Variants in KCNH7 observed in about 807,000 individuals in gnomAD.
KCNH7 encodes the protein potassium voltage-gated channel subfamily H member 7, also known as voltage-gated inwardly rectifying potassium channel KCNH7.
Under a neutral mutation model 120.8 loss-of-function variants are expected in KCNH7, and 49 were observed. The ratio of observed to expected loss-of-function variants is 0.41; its 90% CI spans 0.32 to 0.51. The LOEUF (loss-of-function observed/expected upper bound fraction) is 0.51. Among genes scored for constraint, KCNH7 ranks in the 20% least tolerant of loss-of-function variants. KCNH7 has a pLI of 0.38. For synonymous variants in KCNH7, 547 were observed against 516.1 expected, an observed-to-expected ratio of 1.06 and a Z score of -0.81; for missense variants, 1,097 against 1,446.6, an observed-to-expected ratio of 0.76 and a Z score of 3.92.
chr2:162,735,337 G>A (rs953740347), intron 2 of KCNH7, among the ~76,000 whole-genome samples: 4 of 152,088 alleles, frequency 2.6e-5, no homozygotes, highest in African/African-American at 9.7e-5. Context: ...CACATGACAA[G>A]GTTAAAATTA....
chr2:162,373,422 G>T, intron 15 of KCNH7, 48 bp downstream of exon 15: 1 of 1,324,564 alleles, frequency 7.5e-7, no homozygotes. Context: ...GTGACCCCTG[G>T]AAACACACTG....
chr2:162,640,214 T>C (rs751902503), intron 2 of KCNH7, among the ~76,000 whole-genome samples: 1 of 152,098 alleles, frequency 6.6e-6, no homozygotes, highest in African/African-American at 2.4e-5. Flanking sequence ...AATTTTTATA[T>C]TGAAAAGCAA....
At chr2:162,491,655 T>A (rs921416746) in intron 6 of KCNH7, among the ~76,000 whole-genome samples, 1 of 152,176 alleles carries the variant, frequency 6.6e-6, no homozygotes, top group Non-Finnish European at 1.5e-5. Flanking sequence ...AAAAGTTGCA[T>A]TGGCATTCAT....
chr2:162,525,114 C>T (rs926964833), intron 3 of KCNH7, among the ~76,000 whole-genome samples: 6 of 151,934 alleles, frequency 3.9e-5, no homozygotes, highest in South Asian at 2.1e-4. Flanking sequence ...GGAGCAGATC[C>T]GATCGGTAAT....
chr2:162,830,468 A>G (rs1685439827), intron 2 of KCNH7, among the ~76,000 whole-genome samples: 1 of 152,146 alleles, frequency 6.6e-6, no homozygotes, highest in African/African-American at 2.4e-5. Flanking sequence ...AAGCCTAACA[A>G]CATAGATTAT....
At chr2:162,508,018 C>A (rs1357757247) in intron 5 of KCNH7, among the ~76,000 whole-genome samples, 1 of 151,578 alleles carries the variant, frequency 6.6e-6, no homozygotes, top group African/African-American at 2.4e-5. Context: ...TATTTGAACA[C>A]TAACATATTG....
At chr2:162,614,187 C>G (rs971778060) in intron 2 of KCNH7, among the ~76,000 whole-genome samples, 8 of 151,844 alleles carry the variant, frequency 5.3e-5, no homozygotes, top group African/African-American at 1.9e-4. Context: ...TTTTAAAGTG[C>G]CTAATCTACT....
Position 162,557,011 on chromosome 2 carries a change from CA to C in KCNH7, c.308-19932del, listed in dbSNP as rs138590787. ...GGTTGTCTGTTGCTGTGTAACAAAC[CA>C]CCTCAACACTTAGTGGCTCAAAGCA... On this transcript the variant is annotated intron_variant, in intron 2 of 15. Transcript: ENST00000332142. 8.7e-3 allele frequency among the ~76,000 whole-genome samples: 1,332 copies of C among 152,256 alleles called. 30 individuals are homozygous for C. Among genetic ancestry groups the C allele is most frequent in the African/African-American group, 0.03 (1,228 of 41,556 alleles).
intron 2 of KCNH7, among the ~76,000 whole-genome samples, chr2:162,605,611 T>G (rs2105961015): frequency 6.6e-6 from 1 of 152,262 alleles, no homozygotes; most frequent in South Asian, 2.1e-4. Flanking sequence ...CCTCCATTCT[T>G]TTGAAAGACT....
chr2:162,759,505 T>C (rs923320236), intron 2 of KCNH7, among the ~76,000 whole-genome samples: 1 of 152,078 alleles, frequency 6.6e-6, no homozygotes, highest in Non-Finnish European at 1.5e-5. Context: ...GCCCAATTTC[T>C]TGAACAATGT....
intron 2 of KCNH7, among the ~76,000 whole-genome samples, chr2:162,543,926 G>C (rs1399699483): frequency 6.6e-6 from 1 of 152,142 alleles, no homozygotes; most frequent in Admixed American, 6.5e-5. Flanking sequence ...TTAAAAAAGT[G>C]AGTAAACTTT....
chr2:162,623,835 G>A (rs536786702), intron 2 of KCNH7, among the ~76,000 whole-genome samples: 2 of 152,300 alleles, frequency 1.3e-5, no homozygotes, highest in African/African-American at 4.8e-5. Flanking sequence ...ATAATTTGAG[G>A]AGTGTTTGAG....
intron 2 of KCNH7, among the ~76,000 whole-genome samples, chr2:162,831,545 A>G (rs986894166): frequency 1.3e-5 from 2 of 152,178 alleles, no homozygotes; most frequent in African/African-American, 4.8e-5. Flanking sequence ...GAATGGTGAC[A>G]CCTCAAAACT....
intron 6 of KCNH7, among the ~76,000 whole-genome samples, chr2:162,452,265 A>G (rs895944280): frequency 5.9e-5 from 9 of 152,178 alleles, no homozygotes; most frequent in African/African-American, 1.2e-4. Context: ...AAATTTTTCA[A>G]AATAAACAGG....
intron 14 of KCNH7, among the ~76,000 whole-genome samples, chr2:162,376,045 A>G (rs1252994995): frequency 6.6e-6 from 1 of 152,176 alleles, no homozygotes; most frequent in African/African-American, 2.4e-5. Context: ...TTCTTCTGTC[A>G]GCATAATTAT....
intron 6 of KCNH7, among the ~76,000 whole-genome samples, chr2:162,486,202 G>A (rs1016096517): frequency 1.3e-5 from 2 of 152,100 alleles, no homozygotes; most frequent in Non-Finnish European, 2.9e-5. Context: ...ACCTCTACCT[G>A]GGCCATTAAA....
chr2:162,501,787 C>T (rs1690695371), intron 6 of KCNH7, among the ~76,000 whole-genome samples: 1 of 152,058 alleles, frequency 6.6e-6, no homozygotes, highest in African/African-American at 2.4e-5. Context: ...TCTGAAAGGT[C>T]CCACCTCCAA....
intron 2 of KCNH7, among the ~76,000 whole-genome samples, chr2:162,670,350 T>G (rs1685300718): frequency 6.6e-6 from 1 of 151,242 alleles, no homozygotes; most frequent in African/African-American, 2.4e-5. Flanking sequence ...GGCGCATGCC[T>G]GTAGTCTTAG....
At chr2:162,543,756 A>T (rs1226654396) in intron 2 of KCNH7, among the ~76,000 whole-genome samples, 1 of 152,146 alleles carries the variant, frequency 6.6e-6, no homozygotes, top group African/African-American at 2.4e-5. Flanking sequence ...CATCTATAAA[A>T]TAAGGAAGGG....
Sources: gnomAD v4.1 joint callset for allele counts (sites outside exome capture counted in the v4.1 genomes callset) on GRCh38, gnomAD v4.1.1 for gene constraint, MANE v1.5 for transcripts, NCBI Gene and HGNC (gene_info 2026-07-23, HGNC 2026-07-21) for gene names.